Variants in PTPN21 observed in about 807,000 individuals in gnomAD.
PTPN21 encodes tyrosine-protein phosphatase non-receptor type 21.
In PTPN21, 77 loss-of-function variants were observed where a neutral mutation model predicts 131.8. That is an observed-to-expected ratio of 0.58 (90% CI 0.49 to 0.71). The LOEUF (loss-of-function observed/expected upper bound fraction) is 0.71. Among genes scored for constraint, PTPN21 ranks in the 30% least tolerant of loss-of-function variants. PTPN21 has a pLI of 0.00. For synonymous variants in PTPN21, 715 were observed against 621.3 expected, an observed-to-expected ratio of 1.15 and a Z score of -2.24; for missense variants, 1,552 against 1,527.1, an observed-to-expected ratio of 1.02 and a Z score of -0.27.
At chr14:88,473,086 G>A (rs1321981424) in intron 14 of PTPN21, among the ~76,000 whole-genome samples, 1 of 151,978 alleles carries the variant, frequency 6.6e-6, no homozygotes, top group Non-Finnish European at 1.5e-5. Context: ...GTAAATCTAG[G>A]GGACGGATAA....
In PTPN21 at chr14:88,550,487, GC is replaced by G; in HGVS notation, c.-71del. The G allele has an allele frequency of 6.9e-7, 1 of 1,450,802 alleles. No individual in the cohort carries two copies. Among genetic ancestry groups the G allele is most frequent in the Non-Finnish European group, 9.5e-7 (1 of 1,057,362 alleles). The allele number at this position is 1,450,802 out of a possible 1,614,324, so 89.9% of individuals were successfully genotyped here. On this transcript the variant is annotated 5_prime_UTR_variant, in exon 2 of 19. Coordinates refer to ENST00000556564, the MANE Select transcript of PTPN21 (RefSeq NM_007039.4). ...CCCCCACCAACCCAGCGCTGGTGAC[GC>G]CAGGAGAAAGCGATCCTCTCCGGAT... is the stretch of plus-strand genomic sequence containing the variant.
rs2078662716 is a variant in PTPN21, at chr14:88,538,656, G to A, written c.180+11582C>T. Reference sequence around the variant, plus strand: ...TGTCACATTTAGGAGGCCACTCTGAGCCAGGCTGTCATCAAGGGCATGAGC... The same window carrying A: ...TGTCACATTTAGGAGGCCACTCTGAACCAGGCTGTCATCAAGGGCATGAGC... On this transcript the variant is annotated intron_variant, in intron 2 of 18. Transcript: ENST00000556564. 2.0e-5 allele frequency among the ~76,000 whole-genome samples: 3 copies of A among 152,186 alleles called. No homozygotes were observed. The East Asian group carries it at 5.8e-4, about 29-fold the overall frequency.
At chr14:88,474,131 C>CAAA (rs754719071) in intron 13 of PTPN21, among the ~76,000 whole-genome samples, 683 of 46,508 alleles carry the variant, frequency 0.015, 28 homozygotes, top group African/African-American at 0.019. Context: ...AGCTGAAGTC[C>CAAA]AAAAAAAAAA....
Position 88,479,839 on chromosome 14 carries a change from C to G in PTPN21, c.1592G>C (p.Arg531Pro), listed in dbSNP as rs757365875. 1 of 1,552,758 alleles carries G rather than the reference C, an allele frequency of 6.4e-7. No homozygotes were observed. The highest frequency in any genetic ancestry group is 1.3e-5 in the African/African-American group (1 of 74,118). Residue 531 changes from arginine (R) to proline (P), a missense_variant, in exon 13 of 19, where the codon CGG (arginine) becomes CCG (proline). Transcript: ENST00000556564. ...PSPYPYPAER[R>P]PVVGAVSVPE... ...CACGCTGACCGCGCCCACCACGGGC[C>G]GCCGCTCGGCAGGGTAGGGGTAGGG...
intron 3 of PTPN21, chr14:88,514,040 G>A (rs1416204344): frequency 6.6e-6 from 1 of 152,186 alleles, no homozygotes; most frequent in Non-Finnish European, 1.5e-5. Flanking sequence ...TTTCAAGGAA[G>A]TTTTTAGAAT....
intron 9 of PTPN21, 93 bp from the exon 10 acceptor site, chr14:88,496,585 A>G: frequency 1.1e-6 from 1 of 948,734 alleles, no homozygotes; most frequent in Non-Finnish European, 1.7e-6. Flanking sequence ...AATGGGTGAC[A>G]TCATATGACA....
chr14:88,545,280 G>C (rs1176154360), intron 2 of PTPN21, among the ~76,000 whole-genome samples: 1 of 152,170 alleles, frequency 6.6e-6, no homozygotes, highest in Non-Finnish European at 1.5e-5. Context: ...TGGGACCCTT[G>C]GCAGTTCCTT....
rs1326729196 is a variant in PTPN21 at position 88,518,271 on chromosome 14, T to TAC, written c.181-1011_181-1010insGT. Among the ~76,000 whole-genome samples, 281 of 62,368 alleles carry TAC rather than the reference T, an allele frequency of 4.5e-3. 7 individuals are homozygous for TAC. Among genetic ancestry groups the TAC allele is most frequent in the East Asian group, 0.011 (21 of 1,864 alleles). 40.9% of individuals were successfully genotyped at this position (62,368 alleles called of 152,430 possible). On this transcript the variant is annotated intron_variant, in intron 2 of 18. Coordinates refer to ENST00000556564, the MANE Select transcript of PTPN21 (RefSeq NM_007039.4). ...AAAAAAAAAAATATATATATATATATATACACACACACATACGCACACACA... is the reference window on the plus strand; with the variant it reads ...AAAAAAAAAAATATATATATATATATACATACACACACACATACGCACACACA...
At chr14:88,508,879 T>C (rs1483204672) in intron 3 of PTPN21, among the ~76,000 whole-genome samples, 1 of 152,190 alleles carries the variant, frequency 6.6e-6, no homozygotes, top group Non-Finnish European at 1.5e-5. Context: ...ACCACCCTGT[T>C]TGTACTTTCA....
intron 2 of PTPN21, among the ~76,000 whole-genome samples, chr14:88,520,441 T>G (rs1017624716): frequency 2.0e-5 from 3 of 151,928 alleles, no homozygotes; most frequent in Non-Finnish European, 2.9e-5. Context: ...ACAAGCTGCA[T>G]GCAAATAAAA....
intron 10 of PTPN21, among the ~76,000 whole-genome samples, chr14:88,490,037 CT>C (rs2077799761): frequency 6.7e-6 from 1 of 149,398 alleles, no homozygotes; most frequent in Non-Finnish European, 1.5e-5. Flanking sequence ...GAGATGGAGT[CT>C]TGCTCTGTCG....
chr14:88,516,846 A>G, intron 3 of PTPN21, among the ~76,000 whole-genome samples: 1 of 152,234 alleles, frequency 6.6e-6, no homozygotes. Flanking sequence ...AGAAGAGTTC[A>G]CAGAGAGGGT....
At chr14:88,470,202 CTT>C (rs943057588) in intron 15 of PTPN21, 152 bp from the exon 16 acceptor site, 28 of 677,534 alleles carry the variant, frequency 4.1e-5, no homozygotes, top group Admixed American at 6.0e-5. Context: ...TAAGGAAAGA[CTT>C]TTCATCTTTT....
At position 88,485,167 on chromosome 14, in the gene PTPN21, AAT is replaced by A. The variant is rs1265818736; in HGVS notation, c.994-9_994-8del. ...CGTAGGGCTGGGGTTTAGGCTAAGA[AAT>A]GGAGAGTTTGACACAGGGTTGAAAC... On this transcript the variant is annotated splice_polypyrimidine_tract_variant and splice_region_variant and intron_variant, in intron 11 of 18. Transcript: ENST00000556564. The A allele has an allele frequency of 4.7e-5, 74 of 1,562,506 alleles. No homozygotes were observed. Among genetic ancestry groups the A allele is most frequent in the Non-Finnish European group, 6.5e-5 (74 of 1,142,682 alleles).
intron 2 of PTPN21, among the ~76,000 whole-genome samples, chr14:88,547,373 C>A (rs887142022): frequency 2.6e-5 from 4 of 151,284 alleles, no homozygotes; most frequent in Admixed American, 6.6e-5. Context: ...CTAAGCCAGG[C>A]AAGGTGGCAC....
chr14:88,496,575 A>AAT, intron 9 of PTPN21, 83 bp from the exon 10 acceptor site: 2 of 1,024,156 alleles, frequency 2.0e-6, no homozygotes, highest in Non-Finnish European at 3.1e-6. Context: ...CTAAAGACAT[A>AAT]ATGGGTGACA....
Position 88,507,975 on chromosome 14 carries a change from A to G in PTPN21, c.396T>C (p.Ser132=). 1 of 1,607,872 alleles carries G rather than the reference A, an allele frequency of 6.2e-7. No homozygotes were observed. The highest frequency in any genetic ancestry group is 8.5e-7 in the Non-Finnish European group (1 of 1,177,156). Residue 132 remains serine, a synonymous_variant, in exon 4 of 19, where the codon AGT becomes AGC. Transcript: ENST00000556564. ...LQLKKDILEG[S]IPCTLEQAIQ... is the part of the protein sequence containing the mutation. ...TTGCTTGTTCTAAGGTACAAGGAATACTTCCTTCCAAGATATCTTTCTTCA... is the reference window on the plus strand; with the variant it reads ...TTGCTTGTTCTAAGGTACAAGGAATGCTTCCTTCCAAGATATCTTTCTTCA...
At chr14:88,495,529 G>A (rs372150588) in intron 10 of PTPN21, among the ~76,000 whole-genome samples, 4 of 151,956 alleles carry the variant, frequency 2.6e-5, no homozygotes, top group Non-Finnish European at 5.9e-5. Context: ...GTGTGGTGGC[G>A]CATGCCTGTA....
intron 2 of PTPN21, among the ~76,000 whole-genome samples, chr14:88,522,445 A>C (rs1348676763): frequency 7.2e-6 from 1 of 138,950 alleles, no homozygotes; most frequent in Admixed American, 7.2e-5. Flanking sequence ...AAAAAAAAAG[A>C]AAAAAAGAAA....
Sources: gnomAD v4.1 joint callset for allele counts (sites outside exome capture counted in the v4.1 genomes callset) on GRCh38, gnomAD v4.1.1 for gene constraint, MANE v1.5 for transcripts, NCBI Gene and HGNC (gene_info 2026-07-23, HGNC 2026-07-21) for gene names.